The following LGALS4 variants were observed in gnomAD, a reference collection of about 807,000 sequenced individuals.
LGALS4 encodes galectin 4, also known as galectin-4.
Under a neutral mutation model 39.6 loss-of-function variants are expected in LGALS4, and 37 were observed. The ratio of observed to expected loss-of-function variants is 0.93; its 90% CI spans 0.72 to 1.23. The LOEUF (loss-of-function observed/expected upper bound fraction) is 1.23, where lower values mean the gene tolerates loss of function less well. LGALS4 is among the 50% of genes most tolerant of loss of function. LGALS4 has a pLI of 0.00. For synonymous variants in LGALS4, 160 were observed against 165.5 expected, an observed-to-expected ratio of 0.97 and a Z score of 0.25; for missense variants, 397 against 433.2, an observed-to-expected ratio of 0.92 and a Z score of 0.74.
chr19:38,809,545 G>A (rs1415577509), intron 2 of LGALS4, among the ~76,000 whole-genome samples: 1 of 149,482 alleles, frequency 6.7e-6, no homozygotes, highest in Non-Finnish European at 1.5e-5. Context: ...CAGTGGCCAC[G>A]ATGGTGGCTC....
Position 38,812,520 on chromosome 19 carries a change from C to T in LGALS4, c.46-1G>A. On this transcript the variant is annotated splice_acceptor_variant, in intron 1 of 9. Transcript: ENST00000307751. LOFTEE classifies it high-confidence loss of function. Reference sequence around the variant, plus strand: ...GGATGGGCTGGTAGTAAGGCAGCGTCTGGAGAAGAGGCCTGGTGAGGGGAC... The same window carrying T: ...GGATGGGCTGGTAGTAAGGCAGCGTTTGGAGAAGAGGCCTGGTGAGGGGAC... 1 of 1,614,110 alleles carries T rather than the reference C, an allele frequency of 6.2e-7. No individual in the cohort carries two copies. Among genetic ancestry groups the T allele is most frequent in the South Asian group, 1.1e-5 (1 of 91,076 alleles).
rs772662808 is a variant in LGALS4, at chr19:38,802,355, G to C, written c.620C>G (p.Thr207Ser). Reference sequence around the variant, plus strand: ...AGGCACATAGCCCTTGATGATGATGGTTCTTCGAGCTGTGAGCCCTCCTTG... The same window carrying C: ...AGGCACATAGCCCTTGATGATGATGCTTCTTCGAGCTGTGAGCCCTCCTTG... Reference protein sequence around the residue: ...RLQGGLTARRTIIIKGYVPPT... With the variant: ...RLQGGLTARRSIIIKGYVPPT... The change falls in exon 8 of 10, where the codon ACC becomes AGC. Residue 207 changes from threonine (T) to serine (S), a missense_variant. Physicochemically the swap from Thr to Ser is moderately conservative, Grantham distance 58. Transcript: ENST00000307751. 6.2e-7 allele frequency: 1 copy of C among 1,614,216 alleles called. No individual in the cohort carries two copies. The highest frequency in any genetic ancestry group is 8.5e-7 in the Non-Finnish European group (1 of 1,180,038).
chr19:38,809,173 CTTTTTTTTTT>C (rs34677297), intron 2 of LGALS4, among the ~76,000 whole-genome samples: 3,636 of 104,976 alleles, frequency 0.035, 176 homozygotes, highest in African/African-American at 0.12. Context: ...GCCTTTCCTT[CTTTTTTTTTT>C]TTTTTTTTTT....
chr19:38,804,924 G>A (rs908138101), intron 4 of LGALS4, among the ~76,000 whole-genome samples: 3 of 152,024 alleles, frequency 2.0e-5, no homozygotes, highest in Non-Finnish European at 4.4e-5. Context: ...GGGAGGCTGA[G>A]GTGGGTGGAT....
At chr19:38,812,762 C>T in intron 1 of LGALS4, 80 bp downstream of exon 1, 1 of 1,511,340 alleles carries the variant, frequency 6.6e-7, no homozygotes, top group Non-Finnish European at 9.1e-7. Context: ...TGGGGCCCCC[C>T]AGGATCAGAG....
chr19:38,810,354 CTTTTTTTT>C (rs761533885), intron 2 of LGALS4, among the ~76,000 whole-genome samples: 2 of 92,876 alleles, frequency 2.2e-5, no homozygotes, highest in African/African-American at 5.0e-5. Context: ...GAGATTTCGC[CTTTTTTTT>C]TTTTTTTTTT....
chr19:38,803,478 C>T lies in LGALS4; in HGVS notation c.570+44G>A, dbSNP rs764544410. 31 of 1,604,386 alleles carry T rather than the reference C, an allele frequency of 1.9e-5. 1 individual carries two copies. The East Asian group carries it at 3.1e-4, about 16-fold the overall frequency. On this transcript the variant is annotated intron_variant, in intron 7 of 9. Transcript: ENST00000307751. ...GGCTGTCTCAGATTCCCTGGAGATCCGTGCCCCCTCCCCACCATCCATCTC... is the reference window on the plus strand; with the variant it reads ...GGCTGTCTCAGATTCCCTGGAGATCTGTGCCCCCTCCCCACCATCCATCTC...
At chr19:38,807,787 A>G (rs1404358728) in intron 3 of LGALS4, among the ~76,000 whole-genome samples, 2 of 152,236 alleles carry the variant, frequency 1.3e-5, no homozygotes, top group Non-Finnish European at 2.9e-5. Flanking sequence ...ACTAAGAAAA[A>G]TTCTTCTGCC....
At chr19:38,809,697 C>T (rs1002680265) in intron 2 of LGALS4, among the ~76,000 whole-genome samples, 5 of 133,862 alleles carry the variant, frequency 3.7e-5, no homozygotes, top group Non-Finnish European at 7.7e-5. Context: ...ACTATGTTGC[C>T]GAGGCTGGTC....
At chr19:38,812,716 G>A in intron 1 of LGALS4, 126 bp downstream of exon 1, 2 of 1,103,956 alleles carry the variant, frequency 1.8e-6, no homozygotes, top group South Asian at 1.3e-5. Context: ...TCGAGGGTCG[G>A]GGTCAGCTTT....
chr19:38,805,205 T>TAAA (rs1417547001), intron 4 of LGALS4, among the ~76,000 whole-genome samples: 106 of 147,658 alleles, frequency 7.2e-4, no homozygotes, highest in African/African-American at 2.5e-3. Flanking sequence ...ATAATAATAA[T>TAAA]AATATTGATA....
chr19:38,803,426 C>G, intron 7 of LGALS4, 96 bp downstream of exon 7: 2 of 1,331,744 alleles, frequency 1.5e-6, no homozygotes, highest in Non-Finnish European at 2.2e-6. Flanking sequence ...ACCTCCCACC[C>G]CAAAACCCTC....
chr19:38,803,934 C>T (rs754478920), intron 4 of LGALS4, 39 bp from the exon 5 acceptor site: 38 of 1,582,962 alleles, frequency 2.4e-5, no homozygotes, highest in Admixed American at 1.4e-4. Flanking sequence ...TGAGAGGGTC[C>T]CCAGATTTGC....
At position 38,812,431 on chromosome 19, in the gene LGALS4, C is replaced by A; in HGVS notation, c.134G>T (p.Arg45Leu). 4 of 1,613,792 alleles carry A rather than the reference C, an allele frequency of 2.5e-6. No homozygotes were observed. The highest frequency in any genetic ancestry group is 3.4e-6 in the Non-Finnish European group (4 of 1,179,812). Residue 45 changes from arginine to leucine, a missense_variant and splice_region_variant, in exon 2 of 10, where the codon CGG becomes CTG. Transcript: ENST00000307751. ...CGGCCTGGCTTGGGGAGGGTCTTACCGCTTCATGTGCTCGCTGGCCACTCC... is the reference window on the plus strand; with the variant it reads ...CGGCCTGGCTTGGGGAGGGTCTTACAGCTTCATGTGCTCGCTGGCCACTCC... ...IQGVASEHMK[R>L]FFVNFVVGQD...
At chr19:38,807,525 G>A (rs928591739) in intron 3 of LGALS4, among the ~76,000 whole-genome samples, 7 of 151,870 alleles carry the variant, frequency 4.6e-5, no homozygotes, top group African/African-American at 9.7e-5. Context: ...GCCGCCCTTC[G>A]TCTGGGAGGT....
chr19:38,812,689 G>A (rs1971508817), intron 1 of LGALS4, 153 bp downstream of exon 1: 1 of 974,446 alleles, frequency 1.0e-6, no homozygotes, highest in Non-Finnish European at 1.6e-6. Context: ...ACAGCCTGAG[G>A]TCAGGGTAGG....
rs755932424 is a variant in LGALS4, at chr19:38,801,904, T to C, written c.832A>G (p.Ile278Val). 3.1e-6 allele frequency: 5 copies of C among 1,614,094 alleles called. No individual in the cohort carries two copies. The Admixed American group carries it at 8.3e-5, about 27-fold the overall frequency. The change falls in exon 10 of 10, where the codon ATT becomes GTT. Residue 278 changes from isoleucine to valine, a missense_variant. Transcript: ENST00000307751. Reference protein sequence around the residue: ...FGPGQFFDLSIRCGLDRFKVY... With the variant: ...FGPGQFFDLSVRCGLDRFKVY... ...TTGAAGCGATCCAAGCCACAGCGAA[T>C]GGACAGCTGCAGGGAGAAGGGTGGG...
chr19:38,810,354 C>CTTTTTT (rs761533885), intron 2 of LGALS4, among the ~76,000 whole-genome samples: 2 of 92,876 alleles, frequency 2.2e-5, no homozygotes, highest in Non-Finnish European at 4.0e-5. Context: ...GAGATTTCGC[C>CTTTTTT]TTTTTTTTTT....
In LGALS4 at chr19:38,812,907, G is replaced by C; in HGVS notation, c.-21C>G. 1 of 1,608,938 alleles carries C rather than the reference G, an allele frequency of 6.2e-7. No individual in the cohort carries two copies. The highest frequency in any genetic ancestry group is 8.5e-7 in the Non-Finnish European group (1 of 1,179,402). ...GCCATCGCTCGAGGCTGCGCTAGTG[G>C]CTGGTCCTGTGAGAAGAGCTGCAGG... On this transcript the variant is annotated 5_prime_UTR_variant, in exon 1 of 10. Coordinates refer to ENST00000307751, the MANE Select transcript of LGALS4 (RefSeq NM_006149.4).
Sources: gnomAD v4.1 joint callset for allele counts (sites outside exome capture counted in the v4.1 genomes callset) on GRCh38, gnomAD v4.1.1 for gene constraint, MANE v1.5 for transcripts, NCBI Gene and HGNC (gene_info 2026-07-23, HGNC 2026-07-21) for gene names.